Variants in IL1A observed in about 807,000 individuals in gnomAD.
IL1A encodes the protein interleukin-1 alpha.
Under a neutral mutation model 22.2 loss-of-function variants are expected in IL1A, and 16 were observed. The ratio of observed to expected loss-of-function variants is 0.72; its 90% CI spans 0.49 to 1.09. IL1A has a LOEUF of 1.09. IL1A is among the 50% of genes least tolerant of loss of function. The probability of loss-of-function intolerance (pLI) is 0.00; values close to 1 mark genes in which losing one functional copy is unlikely to be tolerated. For missense variants in IL1A, 317 were observed against 321.8 expected (o/e 0.99, Z 0.11); for synonymous variants, 113 against 118.5 (o/e 0.95, Z 0.30).
At chr2:112,778,250 A>G in intron 5 of IL1A, 139 bp from the exon 6 acceptor site, 1 of 678,322 alleles carries the variant, frequency 1.5e-6, no homozygotes, top group Non-Finnish European at 2.5e-6. Context: ...GTCCCCACCT[A>G]TGGTGTAAAT....
At chr2:112,778,856 G>A (rs1042170051) in intron 5 of IL1A, among the ~76,000 whole-genome samples, 2 of 152,212 alleles carry the variant, frequency 1.3e-5, no homozygotes, top group African/African-American at 2.4e-5. Flanking sequence ...TAGCTGAAGT[G>A]CATCCAATCA....
At position 112,778,111 on chromosome 2, in the gene IL1A, A is replaced by G; in HGVS notation, c.491T>C (p.Val164Ala). Residue 164 changes from valine (V) to alanine (A), a missense_variant and splice_region_variant, in exon 6 of 7, where the codon GTG becomes GCG. By Grantham distance (64) the Val-to-Ala change is moderately conservative (BLOSUM62 0). Coordinates refer to ENST00000263339, the MANE Select transcript of IL1A (RefSeq NM_000575.5). ...AAALHNLDEA[V>A]KFDMGAYKSS... ...CTTATAAGCACCCATGTCAAATTTC[A>G]CTGGTGAAGAGAAGAACCAAAAAGA... 6.2e-7 allele frequency: 1 copy of G among 1,612,464 alleles called. No individual in the cohort carries two copies. Among genetic ancestry groups the G allele is most frequent in the Non-Finnish European group, 8.5e-7 (1 of 1,179,120 alleles).
At chr2:112,782,126 C>T (rs78395904) in intron 3 of IL1A, among the ~76,000 whole-genome samples, 1 of 152,304 alleles carries the variant, frequency 6.6e-6, no homozygotes, top group African/African-American at 2.4e-5. Flanking sequence ...CCAATTAGTT[C>T]CCTCTCAGGA....
intron 5 of IL1A, 82 bp from the exon 6 acceptor site, chr2:112,778,193 GGTGT>G (rs3074430): frequency 0.079 from 51,533 of 653,916 alleles, 268 homozygotes; most frequent in Middle Eastern, 0.12. Flanking sequence ...GTGTGTGCAT[GGTGT>G]GTGTGTGTGT....
intron 3 of IL1A, among the ~76,000 whole-genome samples, chr2:112,782,475 C>T (rs1207938780): frequency 6.6e-6 from 1 of 152,196 alleles, no homozygotes; most frequent in East Asian, 1.9e-4. Flanking sequence ...GAAGCCTGCC[C>T]CAGGAGACTC....
In IL1A at chr2:112,774,544, A is replaced by G. The variant is rs1681062876; in HGVS notation, c.*523T>C. 1 of 152,148 alleles carries G rather than the reference A, an allele frequency of 6.6e-6. No homozygotes were observed. Among genetic ancestry groups the G allele is most frequent in the Admixed American group, 6.6e-5 (1 of 15,264 alleles). The allele number at this position is 152,148 out of a possible 1,614,324, so 9.4% of individuals were successfully genotyped here. A position where few individuals can be genotyped will look rare whatever the true frequency, so the allele number is the denominator to read the frequency against. ...CCAAAATGACCTCCCTGATTAGCAT[A>G]AAAAACTGTTGCGGCAGGAAGGCTT... On this transcript the variant is annotated 3_prime_UTR_variant, in exon 7 of 7. Transcript: ENST00000263339.
At chr2:112,783,060 C>T (rs1054964825) in intron 2 of IL1A, among the ~76,000 whole-genome samples, 4 of 152,206 alleles carry the variant, frequency 2.6e-5, no homozygotes, top group South Asian at 4.1e-4. Flanking sequence ...GAATGTTAAG[C>T]TCCTTTAGAG....
chr2:112,783,428 C>T (rs1469631127), intron 2 of IL1A, among the ~76,000 whole-genome samples: 2 of 152,182 alleles, frequency 1.3e-5, no homozygotes, highest in Non-Finnish European at 2.9e-5. Flanking sequence ...TATATCAGGG[C>T]ATGTGATCTC....
Position 112,779,483 on chromosome 2 carries a change from C to A in IL1A, c.490+13G>T. On this transcript the variant is annotated intron_variant, in intron 5 of 6. Coordinates refer to ENST00000263339, the MANE Select transcript of IL1A (RefSeq NM_000575.5). ...GGAGGATGACAGAAATGTCTGGTGC[C>A]ATTTTAATGTACCTGCTTCATCCAG... 1.3e-6 allele frequency: 2 copies of A among 1,544,414 alleles called. No individual in the cohort carries two copies. Among genetic ancestry groups the A allele is most frequent in the Non-Finnish European group, 8.8e-7 (1 of 1,130,404 alleles).
intron 4 of IL1A, among the ~76,000 whole-genome samples, chr2:112,780,976 C>T (rs697): frequency 0.26 from 38,687 of 151,260 alleles, 5,267 homozygotes; most frequent in Middle Eastern, 0.36. Flanking sequence ...GCCGAGATTG[C>T]GCCACTGCAC....
chr2:112,778,193 G>GGCGTGT (rs372255976), intron 5 of IL1A, 82 bp from the exon 6 acceptor site: 6 of 662,756 alleles, frequency 9.1e-6, no homozygotes, highest in Admixed American at 2.6e-5. Context: ...GTGTGTGCAT[G>GGCGTGT]GTGTGTGTGT....
rs553259442 is a variant in IL1A, at chr2:112,779,589, C to A, written c.397G>T (p.Glu133Ter). The change falls in exon 5 of 7, where the codon GAA (glutamate) becomes TAA (stop). Residue 133 changes from glutamate to a stop codon, truncating the protein, a stop_gained. Coordinates refer to ENST00000263339, the MANE Select transcript of IL1A (RefSeq NM_000575.5). LOFTEE classifies it high-confidence loss of function. ...TTGAGGGCGTCATTCAGGATGAATT[C>A]GTATTTGATGATCCTCATAAAGTTG... ...KYNFMRIIKYEFILNDALNQS... is the reference protein window; with the variant it reads ...KYNFMRIIKY 57 of 1,612,502 alleles carry A rather than the reference C, an allele frequency of 3.5e-5. No individual in the cohort carries two copies. Among genetic ancestry groups the A allele is most frequent in the Non-Finnish European group, 4.6e-5 (54 of 1,178,874 alleles).
At chr2:112,776,110 C>A (rs185661047) in intron 6 of IL1A, among the ~76,000 whole-genome samples, 1 of 152,246 alleles carries the variant, frequency 6.6e-6, no homozygotes, top group East Asian at 1.9e-4. Context: ...CTTTCCACTT[C>A]TTTTCCTTAC....
rs926918995 is a variant in IL1A, at chr2:112,775,681, A to AC, written c.616-415dup. On this transcript the variant is annotated intron_variant, in intron 6 of 6. Coordinates refer to ENST00000263339, the MANE Select transcript of IL1A (RefSeq NM_000575.5). ...TTTGATCTCCAAGTGAACAAATCAT[A>AC]CCTTTGGAAATCAATTTAGCATTTA... 9.4e-3 allele frequency among the ~76,000 whole-genome samples: 727 copies of AC among 77,302 alleles called. 2 individuals carry two copies. Among genetic ancestry groups the AC allele is most frequent in the African/African-American group, 0.042 (693 of 16,606 alleles). 50.7% of individuals were successfully genotyped at this position (77,302 alleles called of 152,430 possible).
chr2:112,781,713 G>A lies in IL1A; in HGVS notation c.210C>T (p.Ser70=). The A allele has an allele frequency of 2.5e-6, 4 of 1,614,024 alleles. No individual in the cohort carries two copies. Among genetic ancestry groups the A allele is most frequent in the Non-Finnish European group, 3.4e-6 (4 of 1,179,932 alleles). The part of the protein sequence containing the change: ...SKTSKLTFKE[S]MVVVATNGKV... ...TCCCGTTGGTTGCTACTACCACCAT[G>A]CTCTCCTTGAAGGTAAGCTTGGATG... Residue 70 remains serine, a synonymous_variant, in exon 4 of 7, where the codon AGC becomes AGT. Transcript: ENST00000263339.
rs201678238 is a variant in IL1A, at chr2:112,779,549, C to T, written c.437G>A (p.Arg146Gln). ...AGCCGTGAGGTACTGATCATTGGCT[C>T]GAATTATACTTTGATTGAGGGCGTC... ...LNDALNQSII[R>Q]ANDQYLTAAA... Residue 146 changes from arginine (R) to glutamine (Q), a missense_variant, in exon 5 of 7, where the codon CGA becomes CAA. Coordinates refer to ENST00000263339, the MANE Select transcript of IL1A (RefSeq NM_000575.5). 7.5e-5 allele frequency: 121 copies of T among 1,608,320 alleles called. No individual in the cohort carries two copies. Among genetic ancestry groups the T allele is most frequent in the Non-Finnish European group, 7.2e-5 (85 of 1,175,886 alleles).
rs1394716566 is a variant in IL1A at position 112,781,807 on chromosome 2, C to T, written c.116G>A (p.Ser39Asn). 1 of 1,613,540 alleles carries T rather than the reference C, an allele frequency of 6.2e-7. No homozygotes were observed. Among genetic ancestry groups the T allele is most frequent in the African/African-American group, 1.3e-5 (1 of 75,010 alleles). Residue 39 changes from serine to asparagine, a missense_variant, in exon 4 of 7, where the codon AGC (serine) becomes AAC (asparagine). Coordinates refer to ENST00000263339, the MANE Select transcript of IL1A (RefSeq NM_000575.5). ...GCAGCCTTCATGGAGTGGGCCATAG[C>T]TTACATGATAGAAGGATTTCTGTGA... is the stretch of plus-strand genomic sequence containing the variant. ...SLNQKSFYHV[S>N]YGPLHEGCMD...
At chr2:112,781,907 AGAGGTAGT>A (rs1327428012) in intron 3 of IL1A, 81 bp from the exon 4 acceptor site, 1 of 917,332 alleles carries the variant, frequency 1.1e-6, no homozygotes, top group Non-Finnish European at 1.8e-6. Flanking sequence ...TGTATTCAAC[AGAGGTAGT>A]GAGGAGGATC....
Position 112,775,050 on chromosome 2 carries a change from C to T in IL1A, c.*17G>A. 3 of 1,606,406 alleles carry T rather than the reference C, an allele frequency of 1.9e-6. No homozygotes were observed. Among genetic ancestry groups the T allele is most frequent in the Non-Finnish European group, 2.6e-6 (3 of 1,173,474 alleles). ...AACTGTCAACACTGCACAAGTGAGACAAGTGAGACTCCAGACCTACGCCTG... is the reference window on the plus strand; with the variant it reads ...AACTGTCAACACTGCACAAGTGAGATAAGTGAGACTCCAGACCTACGCCTG... On this transcript the variant is annotated 3_prime_UTR_variant, in exon 7 of 7. Coordinates refer to ENST00000263339, the MANE Select transcript of IL1A (RefSeq NM_000575.5).
Sources: gnomAD v4.1 joint callset for allele counts (sites outside exome capture counted in the v4.1 genomes callset) on GRCh38, gnomAD v4.1.1 for gene constraint, MANE v1.5 for transcripts, NCBI Gene and HGNC (gene_info 2026-07-23, HGNC 2026-07-21) for gene names.